Variants in LRFN5 observed in about 807,000 individuals in gnomAD.
LRFN5 encodes leucine rich repeat and fibronectin type III domain containing 5.
Under a neutral mutation model 45.6 loss-of-function variants are expected in LRFN5, and 24 were observed. The observed-to-expected ratio is 0.53, with a 90% CI of 0.38 to 0.74. The LOEUF (loss-of-function observed/expected upper bound fraction) is 0.74, where lower values mean the gene tolerates loss of function less well. Ranked by LOEUF, LRFN5 falls within the 30% of genes least tolerant of loss-of-function variation. The probability of loss-of-function intolerance (pLI) is 0.00; values close to 1 mark genes in which losing one functional copy is unlikely to be tolerated. For missense variants in LRFN5, 776 were observed against 861.5 expected (o/e 0.90, Z 1.24); for synonymous variants, 340 against 313.8 (o/e 1.08, Z -0.88).
intron 1 of LRFN5, among the ~76,000 whole-genome samples, chr14:41,663,612 C>T (rs1295794191): frequency 6.6e-6 from 1 of 151,966 alleles, no homozygotes; most frequent in Non-Finnish European, 1.5e-5. Flanking sequence ...AGACATTACT[C>T]ATATGTAAAG....
chr14:41,775,475 T>G (rs906474606), intron 2 of LRFN5, among the ~76,000 whole-genome samples: 4 of 152,216 alleles, frequency 2.6e-5, no homozygotes, highest in African/African-American at 7.2e-5. Flanking sequence ...AATCTGGCTT[T>G]CTTTTTGATA....
intron 2 of LRFN5, among the ~76,000 whole-genome samples, chr14:41,844,218 A>C (rs1429877464): frequency 6.6e-6 from 1 of 152,124 alleles, no homozygotes; most frequent in Non-Finnish European, 1.5e-5. Flanking sequence ...TGGGCGGATC[A>C]CGAGGTCAGG....
At chr14:41,628,327 C>A (rs1306172896) in intron 1 of LRFN5, among the ~76,000 whole-genome samples, 1 of 152,152 alleles carries the variant, frequency 6.6e-6, no homozygotes, top group African/African-American at 2.4e-5. Context: ...GGTTTTGCAT[C>A]TTTAACTCAT....
chr14:41,894,901 CAT>C, intron 4 of LRFN5: 2 of 983,558 alleles, frequency 2.0e-6, no homozygotes, highest in Non-Finnish European at 2.4e-6. Context: ...TTTAAACAGT[CAT>C]ATATATGTGA....
chr14:41,691,941 G>T (rs1882397047), intron 1 of LRFN5, among the ~76,000 whole-genome samples: 1 of 151,924 alleles, frequency 6.6e-6, no homozygotes, highest in Non-Finnish European at 1.5e-5. Context: ...ATTTTCCATG[G>T]TGTTCTTATA....
chr14:41,855,516 G>T (rs2899930), intron 2 of LRFN5, among the ~76,000 whole-genome samples: 3 of 152,130 alleles, frequency 2.0e-5, no homozygotes, highest in Non-Finnish European at 4.4e-5. Context: ...GGACACTGCT[G>T]TTTTATACAG....
At chr14:41,769,343 C>T (rs767489433) in intron 2 of LRFN5, among the ~76,000 whole-genome samples, 3 of 152,116 alleles carry the variant, frequency 2.0e-5, no homozygotes, top group Non-Finnish European at 2.9e-5. Context: ...TTCCAATTAG[C>T]CTTGGACAGT....
intron 1 of LRFN5, among the ~76,000 whole-genome samples, chr14:41,670,138 TTC>T (rs1393103762): frequency 3.6e-5 from 3 of 82,678 alleles, no homozygotes; most frequent in African/African-American, 2.1e-4. Flanking sequence ...TATATATACA[TTC>T]TGTGTGTGTA....
chr14:41,630,067 A>G lies in LRFN5; in HGVS notation c.-197+21505A>G, dbSNP rs780878134. On this transcript the variant is annotated intron_variant, in intron 1 of 5. Coordinates refer to ENST00000298119, the MANE Select transcript of LRFN5 (RefSeq NM_152447.5). ...TAGAAAGGTGCTTAAGATATTGTCA[A>G]CATGAAGCACTCAGTTATGTGTAAA... Among the ~76,000 whole-genome samples, 4 of 152,130 alleles carry G rather than the reference A, an allele frequency of 2.6e-5. No homozygotes were observed. In the East Asian group the frequency reaches 7.7e-4, roughly 29 times the overall value.
intron 1 of LRFN5, among the ~76,000 whole-genome samples, chr14:41,704,265 C>G (rs1268023515): frequency 6.6e-6 from 1 of 152,088 alleles, no homozygotes; most frequent in African/African-American, 2.4e-5. Context: ...TTTATAACTT[C>G]CAGAGTAGCC....
intron 2 of LRFN5, among the ~76,000 whole-genome samples, chr14:41,778,130 C>G (rs1483831718): frequency 2.6e-5 from 4 of 151,142 alleles, no homozygotes; most frequent in African/African-American, 9.7e-5. Context: ...TTCCAGAAAA[C>G]TTTATTTTGG....
At chr14:41,680,917 G>A (rs1363684877) in intron 1 of LRFN5, among the ~76,000 whole-genome samples, 2 of 151,852 alleles carry the variant, frequency 1.3e-5, no homozygotes, top group African/African-American at 4.8e-5. Flanking sequence ...TTAACAAAGA[G>A]ATAGAAACAA....
At chr14:41,892,447 A>T (rs1404416515) in intron 4 of LRFN5, 2 of 983,388 alleles carry the variant, frequency 2.0e-6, no homozygotes, top group Admixed American at 6.2e-5. Flanking sequence ...ACAGCAGATT[A>T]AAAAAATGAA....
At chr14:41,828,023 A>G (rs1229591693) in intron 2 of LRFN5, among the ~76,000 whole-genome samples, 2 of 152,034 alleles carry the variant, frequency 1.3e-5, no homozygotes, top group Non-Finnish European at 1.5e-5. Context: ...TCATGTCACA[A>G]GGGGACTATA....
At chr14:41,626,876 T>C (rs913659728) in intron 1 of LRFN5, among the ~76,000 whole-genome samples, 16 of 152,232 alleles carry the variant, frequency 1.1e-4, no homozygotes, top group Non-Finnish European at 2.2e-4. Flanking sequence ...AAACACTGAA[T>C]TCCACATTAA....
At chr14:41,740,478 A>C (rs886141627) in intron 1 of LRFN5, among the ~76,000 whole-genome samples, 1 of 152,042 alleles carries the variant, frequency 6.6e-6, no homozygotes, top group African/African-American at 2.4e-5. Context: ...ATAGATACAG[A>C]AAAAACATTT....
chr14:41,828,153 C>G (rs1888359286), intron 2 of LRFN5, among the ~76,000 whole-genome samples: 1 of 151,948 alleles, frequency 6.6e-6, no homozygotes, highest in Non-Finnish European at 1.5e-5. Flanking sequence ...GTAGAACAGA[C>G]TGTACGTTTT....
At chr14:41,733,241 G>A (rs1884259815) in intron 1 of LRFN5, among the ~76,000 whole-genome samples, 1 of 152,014 alleles carries the variant, frequency 6.6e-6, no homozygotes, top group Non-Finnish European at 1.5e-5. Context: ...AACTCCACGT[G>A]GGATGAACTC....
At chr14:41,761,060 T>C (rs1885642774) in intron 1 of LRFN5, among the ~76,000 whole-genome samples, 3 of 152,132 alleles carry the variant, frequency 2.0e-5, no homozygotes, top group Non-Finnish European at 4.4e-5. Context: ...TTGAAATAGA[T>C]AAGATATTGA....
Sources: gnomAD v4.1 joint callset for allele counts (sites outside exome capture counted in the v4.1 genomes callset) on GRCh38, gnomAD v4.1.1 for gene constraint, MANE v1.5 for transcripts, NCBI Gene and HGNC (gene_info 2026-07-23, HGNC 2026-07-21) for gene names.